The following EHBP1 variants were observed in gnomAD, a reference collection of about 807,000 sequenced individuals.
The protein encoded by EHBP1 is EH domain binding protein 1.
In EHBP1, 55 loss-of-function variants were observed where a neutral mutation model predicts 144.0. The observed-to-expected ratio is 0.38, with a 90% CI of 0.31 to 0.48. EHBP1 has a LOEUF of 0.48. EHBP1 is among the 20% of genes least tolerant of loss of function. The pLI is 0.98. For missense variants in EHBP1, 1,200 were observed against 1,364.2 expected, an observed-to-expected ratio of 0.88 and a Z score of 1.90; for synonymous variants, 469 against 472.7, an observed-to-expected ratio of 0.99 and a Z score of 0.10.
intron 5 of EHBP1, among the ~76,000 whole-genome samples, chr2:62,780,030 A>G (rs1216831680): frequency 6.6e-6 from 1 of 152,172 alleles, no homozygotes; most frequent in African/African-American, 2.4e-5. Flanking sequence ...CATCAGCTTA[A>G]GAACGTGGTT....
At position 63,045,621 on chromosome 2, in the gene EHBP1, T is replaced by C; in HGVS notation, c.*121T>C. On this transcript the variant is annotated 3_prime_UTR_variant, in exon 23 of 23. Coordinates refer to ENST00000431489, the MANE Select transcript of EHBP1 (RefSeq NM_001142616.3). This position sits in a 1 kb window ranked among gnomAD's most constrained non-coding sequence, Gnocchi z 5.7. ...TTTGTTTGGCTGGATTGTACTACTTTACCTCTACTTTACCACCACCACCCT... is the reference window on the plus strand; with the variant it reads ...TTTGTTTGGCTGGATTGTACTACTTCACCTCTACTTTACCACCACCACCCT... 1 of 749,992 alleles carries C rather than the reference T, an allele frequency of 1.3e-6. No homozygotes were observed. Among genetic ancestry groups the C allele is most frequent in the Admixed American group, 2.5e-5 (1 of 40,212 alleles). The allele number at this position is 749,992 out of a possible 1,614,324, so 46.5% of individuals were successfully genotyped here.
chr2:62,938,992 G>A (rs1229990450), intron 10 of EHBP1, among the ~76,000 whole-genome samples: 1 of 152,124 alleles, frequency 6.6e-6, no homozygotes, highest in East Asian at 1.9e-4. Context: ...ATTGTTCTAA[G>A]TGTTTTACAT....
chr2:62,901,237 ATCTT>A (rs2053386854), intron 10 of EHBP1, among the ~76,000 whole-genome samples: 2 of 152,264 alleles, frequency 1.3e-5, no homozygotes, highest in Admixed American at 6.5e-5. Flanking sequence ...CACCTCATAA[ATCTT>A]TCTTTAGTTA....
At chr2:62,746,404 A>G (rs1268268142) in intron 2 of EHBP1, among the ~76,000 whole-genome samples, 1 of 151,962 alleles carries the variant, frequency 6.6e-6, no homozygotes, top group Non-Finnish European at 1.5e-5. Context: ...ATATATATGT[A>G]TTTAATTAAA....
rs764228477 is a variant in EHBP1, at chr2:62,948,853, TAAG to T, written c.2014_2016del (p.Lys672del). The T allele has an allele frequency of 1.9e-5, 31 of 1,614,112 alleles. No homozygotes were observed. Among genetic ancestry groups the T allele is most frequent in the Non-Finnish European group, 2.4e-5 (28 of 1,179,990 alleles). On this transcript the variant is annotated inframe_deletion, in exon 13 of 23. Transcript: ENST00000431489. Reference sequence around the variant, plus strand: ...AATTGAGTGACTTATATGTTAGTGATAAGAAGAAGGATATGTCTCCACCCTTTA... The same window carrying T: ...AATTGAGTGACTTATATGTTAGTGATAAGAAGGATATGTCTCCACCCTTTA...
chr2:62,786,979 A>G (rs1040234859), intron 5 of EHBP1, among the ~76,000 whole-genome samples: 1 of 152,230 alleles, frequency 6.6e-6, no homozygotes, highest in Admixed American at 6.5e-5. Flanking sequence ...TTTAACTGCT[A>G]TGTTCCTTGT....
chr2:62,713,024 C>G (rs990888330), intron 2 of EHBP1, among the ~76,000 whole-genome samples: 10 of 151,990 alleles, frequency 6.6e-5, no homozygotes, highest in South Asian at 2.1e-4. Flanking sequence ...AGTAGATAAT[C>G]TTTTGCACCT....
rs765287770 is a variant in EHBP1 at position 62,757,559 on chromosome 2, G to T, written c.163-6707G>T. On this transcript the variant is annotated intron_variant, in intron 3 of 22. Transcript: ENST00000431489. ...TGCAATTCTCCTGCCTTAGTCTCCC[G>T]AGTAGCTGGGATTACAGACATACGC... is the stretch of plus-strand genomic sequence containing the variant. Among the ~76,000 whole-genome samples, 5 of 150,008 alleles carry T rather than the reference G, an allele frequency of 3.3e-5. No homozygotes were observed. The East Asian group carries it at 9.9e-4, about 30-fold the overall frequency.
intron 7 of EHBP1, among the ~76,000 whole-genome samples, chr2:62,837,680 G>A (rs1172381233): frequency 6.8e-6 from 1 of 147,366 alleles, no homozygotes; most frequent in South Asian, 2.2e-4. Context: ...AAAAGGCAGG[G>A]GTTGCAATCC....
intron 2 of EHBP1, among the ~76,000 whole-genome samples, chr2:62,726,953 C>G (rs761448787): frequency 7.2e-5 from 11 of 152,020 alleles, no homozygotes; most frequent in Non-Finnish European, 1.6e-4. Context: ...ACTTCCACCT[C>G]CCAGGTTCAA....
At chr2:62,798,011 T>C (rs1167998742) in intron 5 of EHBP1, among the ~76,000 whole-genome samples, 1 of 152,126 alleles carries the variant, frequency 6.6e-6, no homozygotes, top group Non-Finnish European at 1.5e-5. Context: ...ATAAGGCATA[T>C]CTGGAATATA....
intron 7 of EHBP1, among the ~76,000 whole-genome samples, chr2:62,833,529 C>T (rs556758806): frequency 1.5e-4 from 23 of 152,286 alleles, no homozygotes; most frequent in South Asian, 8.3e-4. Flanking sequence ...CTTTTTATCG[C>T]GTGGTTTACT....
intron 21 of EHBP1, among the ~76,000 whole-genome samples, chr2:63,041,825 T>G (rs894811267): frequency 6.6e-6 from 1 of 152,178 alleles, no homozygotes; most frequent in Non-Finnish European, 1.5e-5. Context: ...TTCATCAAAG[T>G]GCCAGGCTTA....
chr2:62,728,453 T>A (rs542933494), intron 2 of EHBP1, among the ~76,000 whole-genome samples: 1 of 152,242 alleles, frequency 6.6e-6, no homozygotes, highest in South Asian at 2.1e-4. Flanking sequence ...TAAAGTGTTA[T>A]ATCATTGTGG....
intron 7 of EHBP1, among the ~76,000 whole-genome samples, chr2:62,832,589 C>T (rs2046905704): frequency 6.6e-6 from 1 of 151,882 alleles, no homozygotes; most frequent in Non-Finnish European, 1.5e-5. Context: ...GTAACTTTTG[C>T]AATATTTCAC....
intron 4 of EHBP1, among the ~76,000 whole-genome samples, chr2:62,767,998 C>T (rs1010716264): frequency 6.6e-6 from 1 of 151,946 alleles, no homozygotes; most frequent in African/African-American, 2.4e-5. Context: ...TGCAACAGAC[C>T]AGAATCACTG....
chr2:63,042,914 A>C (rs1574601981), intron 21 of EHBP1, among the ~76,000 whole-genome samples: 1 of 152,034 alleles, frequency 6.6e-6, no homozygotes, highest in African/African-American at 2.4e-5. Flanking sequence ...AAATGTATTC[A>C]ATTGTAAAGC....
At chr2:62,945,257 G>A (rs1325967712) in intron 12 of EHBP1, among the ~76,000 whole-genome samples, 1 of 152,058 alleles carries the variant, frequency 6.6e-6, no homozygotes, top group African/African-American at 2.4e-5. Flanking sequence ...TACTTTCATA[G>A]GTGTATTTTT....
intron 10 of EHBP1, among the ~76,000 whole-genome samples, chr2:62,934,802 C>G (rs1448510334): frequency 6.6e-6 from 1 of 152,140 alleles, no homozygotes; most frequent in Non-Finnish European, 1.5e-5. Flanking sequence ...AGATACAGTT[C>G]ACCAAACTGG....
Sources: gnomAD v4.1 joint callset for allele counts (sites outside exome capture counted in the v4.1 genomes callset) on GRCh38, gnomAD v4.1.1 for gene constraint, Gnocchi (gnomAD v3.1) non-coding constraint, MANE v1.5 for transcripts, NCBI Gene and HGNC (gene_info 2026-07-23, HGNC 2026-07-21) for gene names.